The following CCDC39 variants were observed in gnomAD, a reference collection of about 807,000 sequenced individuals.
The protein encoded by CCDC39 is coiled-coil domain-containing protein 39.
A neutral mutation model predicts 121.0 loss-of-function variants in CCDC39; 113 were observed. The ratio of observed to expected loss-of-function variants is 0.93; its 90% confidence interval spans 0.80 to 1.09. CCDC39 has a LOEUF of 1.09. Ranked by LOEUF, CCDC39 falls within the 50% of genes least tolerant of loss-of-function variation. The probability of loss-of-function intolerance (pLI) is 0.00; values close to 1 mark genes in which losing one functional copy is unlikely to be tolerated. For synonymous variants in CCDC39, 349 were observed against 352.2 expected, an observed-to-expected ratio of 0.99 and a Z score of 0.10; for missense variants, 1,063 against 1,074.7, an observed-to-expected ratio of 0.99 and a Z score of 0.15.
At chr3:180,627,843 T>G (rs913999639) in intron 14 of CCDC39, among the ~76,000 whole-genome samples, 3 of 152,190 alleles carry the variant, frequency 2.0e-5, no homozygotes, top group African/African-American at 7.2e-5. Context: ...TATAAGAAGA[T>G]ATGTTGATAT....
At chr3:180,672,884 AG>A (rs1712089085) in intron 1 of CCDC39, among the ~76,000 whole-genome samples, 1 of 152,352 alleles carries the variant, frequency 6.6e-6, no homozygotes, top group South Asian at 2.1e-4. Context: ...GATTCATAAG[AG>A]AAGACCAAAT....
chr3:180,619,826 TTTTAAAAGATTGC>T lies in CCDC39; in HGVS notation c.2130_2142del (p.Gln711LysfsTer2), dbSNP rs1717383931. 1 of 1,592,410 alleles carries T rather than the reference TTTTAAAAGATTGC, an allele frequency of 6.3e-7. No individual in the cohort carries two copies. Among genetic ancestry groups the T allele is most frequent in the Non-Finnish European group, 8.6e-7 (1 of 1,169,186 alleles). On this transcript the variant is annotated frameshift_variant, in exon 15 of 20. Transcript: ENST00000476379. LOFTEE classifies it high-confidence loss of function. The stretch of plus-strand genomic sequence containing the variant: ...TCCTACATACTAGATGGAGTCACTT[TTTTAAAAGATTGC>T]TTATAATTGTTGTTACAGCTGTTCA...
chr3:180,678,682 A>G (rs1712304788), intron 1 of CCDC39, among the ~76,000 whole-genome samples: 1 of 151,260 alleles, frequency 6.6e-6, no homozygotes, highest in Non-Finnish European at 1.5e-5. Flanking sequence ...AACAACTGCT[A>G]TGAATTGTAG....
rs1012881584 is a variant in CCDC39 at position 180,644,275 on chromosome 3, G to A, written c.1528-18C>T. The A allele has an allele frequency of 6.9e-6, 10 of 1,442,040 alleles. No individual in the cohort carries two copies. In the East Asian group the frequency reaches 7.7e-5, roughly 11 times the overall value. 89.3% of individuals were successfully genotyped at this position (1,442,040 alleles called of 1,614,324 possible). A position where few individuals can be genotyped will look rare whatever the true frequency, so the allele number is the denominator to read the frequency against. On this transcript the variant is annotated intron_variant, in intron 11 of 19. Transcript: ENST00000476379. ...AGATCATTCTGCAAAAAAGAAAAAA[G>A]GTATATAAATGTATGTTTTAAATAT... is the stretch of plus-strand genomic sequence containing the variant.
intron 1 of CCDC39, 40 bp from the exon 2 acceptor site, chr3:180,664,026 A>G (rs1326011298): frequency 6.4e-6 from 10 of 1,563,980 alleles, no homozygotes; most frequent in African/African-American, 2.7e-5. Flanking sequence ...AAGTCCTATT[A>G]AGTTTTACCA....
At chr3:180,651,090 G>A (rs1392033186) in intron 9 of CCDC39, among the ~76,000 whole-genome samples, 5 of 151,746 alleles carry the variant, frequency 3.3e-5, no homozygotes, top group Admixed American at 2.6e-4. Context: ...AACTACTCGG[G>A]AGGCTGAGGC....
chr3:180,654,965 A>T lies in CCDC39; in HGVS notation c.739-12T>A. 6.8e-7 allele frequency: 1 copy of T among 1,466,392 alleles called. No individual in the cohort carries two copies. The allele number at this position is 1,466,392 out of a possible 1,614,324, so 90.8% of individuals were successfully genotyped here. A position where few individuals can be genotyped will look rare whatever the true frequency, so the allele number is the denominator to read the frequency against. ...ATCCTTGCTAATTCCTAGGATTAAA[A>T]CAAATATGTTTACTTAAATATATGT... On this transcript the variant is annotated splice_polypyrimidine_tract_variant and intron_variant, in intron 6 of 19. Transcript: ENST00000476379.
chr3:180,653,983 TA>T (rs1711522379), intron 7 of CCDC39, among the ~76,000 whole-genome samples: 1 of 151,592 alleles, frequency 6.6e-6, no homozygotes, highest in South Asian at 2.1e-4. Context: ...CTTTTCTGAA[TA>T]TTTTTTATCA....
At chr3:180,621,359 T>C (rs570730463) in intron 14 of CCDC39, among the ~76,000 whole-genome samples, 12 of 152,230 alleles carry the variant, frequency 7.9e-5, no homozygotes, top group African/African-American at 2.9e-4. Context: ...ATAGAGGTTG[T>C]GTTAATTTAC....
At position 180,647,259 on chromosome 3, in the gene CCDC39, A is replaced by AG. The variant is rs1376359448; in HGVS notation, c.1363-17_1363-16insC. 2.9e-5 allele frequency: 44 copies of AG among 1,538,138 alleles called. No individual in the cohort carries two copies. Among genetic ancestry groups the AG allele is most frequent in the Non-Finnish European group, 3.8e-5 (44 of 1,148,218 alleles). On this transcript the variant is annotated splice_polypyrimidine_tract_variant and intron_variant, in intron 10 of 19. Transcript: ENST00000476379. ...TGTGAAAATCCTGTTACAGTTTAAA[A>AG]AAAAAAAGGTATTACAAAGAAAAAA...
chr3:180,637,624 T>G (rs1013145292), intron 13 of CCDC39, among the ~76,000 whole-genome samples: 1 of 152,140 alleles, frequency 6.6e-6, no homozygotes, highest in Non-Finnish European at 1.5e-5. Flanking sequence ...AAGACACATG[T>G]GCACAAATGT....
rs1718087961 is a variant in CCDC39 at position 180,647,252 on chromosome 3, G to GT, written c.1363-10dup. 3 of 1,491,812 alleles carry GT rather than the reference G, an allele frequency of 2.0e-6. No homozygotes were observed. Among genetic ancestry groups the GT allele is most frequent in the South Asian group, 1.3e-5 (1 of 78,126 alleles). The allele number at this position is 1,491,812 out of a possible 1,614,324, so 92.4% of individuals were successfully genotyped here. ...TGTTGAATGTGAAAATCCTGTTACA[G>GT]TTTAAAAAAAAAAAGGTATTACAAA... On this transcript the variant is annotated splice_polypyrimidine_tract_variant and intron_variant, in intron 10 of 19. Coordinates refer to ENST00000476379, the MANE Select transcript of CCDC39 (RefSeq NM_181426.2).
At position 180,614,944 on chromosome 3, in the gene CCDC39, T is replaced by C; in HGVS notation, c.2803A>G (p.Lys935Glu). 6.4e-7 allele frequency: 1 copy of C among 1,565,630 alleles called. No individual in the cohort carries two copies. Among genetic ancestry groups the C allele is most frequent in the Non-Finnish European group, 8.7e-7 (1 of 1,153,208 alleles). The change falls in exon 20 of 20, where the codon AAG becomes GAG. Residue 935 changes from lysine (K) to glutamate (E), a missense_variant. Transcript: ENST00000476379. The part of the protein sequence containing the change: ...SSASSSSSNV[K>E]SKKSSK ...GTTTATTTGCTGCTCTTTTTGCTCT[T>C]AACATTACTAGAGCTACTACTAGCA...
In CCDC39 at chr3:180,660,383, T is replaced by C. The variant is rs368548829; in HGVS notation, c.516+187A>G. On this transcript the variant is annotated intron_variant, in intron 4 of 19. Transcript: ENST00000476379. The stretch of plus-strand genomic sequence containing the variant: ...CTATGAAACAGTCAGCAATATTTTA[T>C]GGGTATTTGAATATAGTCATTTTTT... Among the ~76,000 whole-genome samples the C allele has an allele frequency of 8.5e-5, 13 of 152,240 alleles. No homozygotes were observed. The East Asian group carries it at 1.9e-3, about 23-fold the overall frequency.
At chr3:180,631,628 A>G (rs1576937244) in intron 13 of CCDC39, 36 bp from the exon 14 acceptor site, 1 of 1,555,072 alleles carries the variant, frequency 6.4e-7, no homozygotes, top group Non-Finnish European at 8.7e-7. Context: ...AATGAATAAC[A>G]TACTTTACAA....
intron 1 of CCDC39, among the ~76,000 whole-genome samples, chr3:180,673,568 G>C (rs1369521964): frequency 2.6e-5 from 4 of 152,134 alleles, no homozygotes; most frequent in Non-Finnish European, 5.9e-5. Context: ...TGAAGTAAAA[G>C]TAAACATAAC....
At position 180,663,940 on chromosome 3, in the gene CCDC39, C is replaced by T. The variant is rs376716008; in HGVS notation, c.137G>A (p.Arg46His). Reference sequence around the variant, plus strand: ...AGAATTAATTCGCTCTTCATACTCACGTAACTCATCTTGCAAGCTTGCTCT... The same window carrying T: ...AGAATTAATTCGCTCTTCATACTCATGTAACTCATCTTGCAAGCTTGCTCT... ...DERASLQDEL[R>H]EYEERINSMT... The change falls in exon 2 of 20, where the codon CGT (arginine) becomes CAT (histidine). Residue 46 changes from arginine (R) to histidine (H), a missense_variant. Physicochemically the swap from Arg to His is conservative, Grantham distance 29. Coordinates refer to ENST00000476379, the MANE Select transcript of CCDC39 (RefSeq NM_181426.2). 93 of 1,611,806 alleles carry T rather than the reference C, an allele frequency of 5.8e-5. No individual in the cohort carries two copies. The highest frequency in any genetic ancestry group is 5.7e-5 in the Non-Finnish European group (67 of 1,178,796).
At chr3:180,661,583 C>G (rs1711742491) in intron 3 of CCDC39, among the ~76,000 whole-genome samples, 1 of 151,830 alleles carries the variant, frequency 6.6e-6, no homozygotes, top group Non-Finnish European at 1.5e-5. Context: ...ACATATAAAC[C>G]ACGCCTAGTA....
In CCDC39 at chr3:180,664,910, G is replaced by A. The variant is rs546532632; in HGVS notation, c.91-924C>T. 1.6e-4 allele frequency among the ~76,000 whole-genome samples: 24 copies of A among 149,760 alleles called. 1 individual carries two copies. The South Asian group carries it at 5.1e-3, about 32-fold the overall frequency. On this transcript the variant is annotated intron_variant, in intron 1 of 19. Transcript: ENST00000476379. Reference sequence around the variant, plus strand: ...TTTAGTAGAGAAGGTGTTTCACCATGTTGGCCAGGCTGGTCTCGAACTCCT... The same window carrying A: ...TTTAGTAGAGAAGGTGTTTCACCATATTGGCCAGGCTGGTCTCGAACTCCT...
Sources: gnomAD v4.1 joint callset for allele counts (sites outside exome capture counted in the v4.1 genomes callset) on GRCh38, gnomAD v4.1.1 for gene constraint, MANE v1.5 for transcripts, NCBI Gene and HGNC (gene_info 2026-07-23, HGNC 2026-07-21) for gene names.